The following CLIC6 variants were observed in gnomAD, a reference collection of about 807,000 sequenced individuals.
The protein encoded by CLIC6 is chloride intracellular channel protein 6.
In CLIC6, 39 loss-of-function variants were observed where a neutral mutation model predicts 49.2. The observed-to-expected ratio is 0.79, with a 90% confidence interval of 0.61 to 1.04. The LOEUF (loss-of-function observed/expected upper bound fraction) is 1.04. Ranked by LOEUF, CLIC6 falls within the 50% of genes least tolerant of loss-of-function variation. The pLI is 0.00. For synonymous variants in CLIC6, 446 were observed against 433.4 expected, an observed-to-expected ratio of 1.03 and a Z score of -0.36; for missense variants, 988 against 993.1, an observed-to-expected ratio of 0.99 and a Z score of 0.07.
intron 1 of CLIC6, among the ~76,000 whole-genome samples, chr21:34,673,277 A>G (rs1989600800): frequency 6.6e-6 from 1 of 151,124 alleles, no homozygotes; most frequent in Non-Finnish European, 1.5e-5. Context: ...AAATGATGAG[A>G]TTGGTTAACT....
chr21:34,688,393 G>A (rs988691764), intron 1 of CLIC6, among the ~76,000 whole-genome samples: 4 of 152,128 alleles, frequency 2.6e-5, no homozygotes, highest in Non-Finnish European at 5.9e-5. Context: ...GACAAAAGAC[G>A]GAGAACGACG....
chr21:34,677,319 G>C (rs916248785), intron 1 of CLIC6, among the ~76,000 whole-genome samples: 6 of 152,196 alleles, frequency 3.9e-5, no homozygotes, highest in Non-Finnish European at 8.8e-5. Flanking sequence ...GGTGGCAAAT[G>C]GGCTAACAAT....
At chr21:34,679,046 C>A (rs2145799452) in intron 1 of CLIC6, among the ~76,000 whole-genome samples, 1 of 152,330 alleles carries the variant, frequency 6.6e-6, no homozygotes, top group Non-Finnish European at 1.5e-5. Flanking sequence ...TTTCCAGGGT[C>A]AGGAATTTGT....
chr21:34,695,106 T>C (rs1990067397), intron 1 of CLIC6, among the ~76,000 whole-genome samples: 1 of 152,242 alleles, frequency 6.6e-6, no homozygotes, highest in Admixed American at 6.5e-5. Flanking sequence ...TGGGTCTCAC[T>C]GAACTAAAAT....
Position 34,670,340 on chromosome 21 carries a change from A to G in CLIC6, c.952A>G (p.Ser318Gly). ...GGCAATTGAGGTCGCAGCCGGGGAG[A>G]GTGCGGGGCGCAGCCCCGGTGAGCT... The part of the protein sequence containing the change: ...AEAIEVAAGE[S>G]AGRSPGELAW... Residue 318 changes from serine to glycine, a missense_variant, in exon 1 of 6, where the codon AGT becomes GGT. This residue lies in a region of CLIC6 where 647 missense variants were observed against 596.9 expected (regional missense o/e 1.08). Transcript: ENST00000349499. 1.4e-6 allele frequency: 2 copies of G among 1,446,684 alleles called. No individual in the cohort carries two copies. Among genetic ancestry groups the G allele is most frequent in the African/African-American group, 1.5e-5 (1 of 67,302 alleles). The allele number at this position is 1,446,684 out of a possible 1,614,324, so 89.6% of individuals were successfully genotyped here.
In CLIC6 at chr21:34,707,972, C is replaced by A. The variant is rs371094044; in HGVS notation, c.1513C>A (p.Pro505Thr). The change falls in exon 3 of 6, where the codon CCC (proline) becomes ACC (threonine). Residue 505 changes from proline (P) to threonine (T), a missense_variant. Pro to Thr is a conservative substitution (Grantham distance 38). This residue lies in a region of CLIC6 where 647 missense variants were observed against 596.9 expected (regional missense o/e 1.08). Coordinates refer to ENST00000349499, the MANE Select transcript of CLIC6 (RefSeq NM_053277.3). The stretch of plus-strand genomic sequence containing the variant: ...ACCCGCAGACCTGCAGAACCTGGCT[C>A]CCGGAACAAACCCTCCTTTCATGAC... ...RKPADLQNLA[P>T]GTNPPFMTFD... 3.1e-6 allele frequency: 5 copies of A among 1,613,988 alleles called. No homozygotes were observed. In the African/African-American group the frequency reaches 6.7e-5, roughly 22 times the overall value.
Position 34,669,689 on chromosome 21 carries a change from G to A in CLIC6, c.301G>A (p.Glu101Lys), listed in dbSNP as rs762612024. Residue 101 changes from glutamate (E) to lysine (K), a missense_variant, in exon 1 of 6, where the codon GAG becomes AAG. Physicochemically the swap from Glu to Lys is moderately conservative, Grantham distance 56. Coordinates refer to ENST00000349499, the MANE Select transcript of CLIC6 (RefSeq NM_053277.3). ...TGCCGAGGTGCCCCAAGGAGGGGAGGAGACAAGCGGCGCGCAGCAGGTGGA... is the reference window on the plus strand; with the variant it reads ...TGCCGAGGTGCCCCAAGGAGGGGAGAAGACAAGCGGCGCGCAGCAGGTGGA... ...EGAEVPQGGE[E>K]TSGAQQVEGA... The A allele has an allele frequency of 2.0e-5, 28 of 1,367,154 alleles. No homozygotes were observed. Among genetic ancestry groups the A allele is most frequent in the Non-Finnish European group, 2.5e-5 (27 of 1,068,176 alleles). 84.7% of individuals were successfully genotyped at this position (1,367,154 alleles called of 1,614,324 possible).
chr21:34,688,813 T>C (rs890907129), intron 1 of CLIC6, among the ~76,000 whole-genome samples: 2 of 152,190 alleles, frequency 1.3e-5, no homozygotes, highest in Non-Finnish European at 2.9e-5. Context: ...GAAACAGAAA[T>C]TCCAGAATTT....
chr21:34,687,173 A>G (rs935573167), intron 1 of CLIC6, among the ~76,000 whole-genome samples: 2 of 152,162 alleles, frequency 1.3e-5, no homozygotes, highest in South Asian at 2.1e-4. Flanking sequence ...GTTGAAAGCA[A>G]TTCTAAAGGG....
intron 1 of CLIC6, among the ~76,000 whole-genome samples, chr21:34,675,432 T>A (rs1989645481): frequency 6.6e-6 from 1 of 151,964 alleles, no homozygotes; most frequent in Non-Finnish European, 1.5e-5. Flanking sequence ...TCCAGGGAGC[T>A]TGAAAGGGAG....
chr21:34,691,879 A>C (rs1239825172), intron 1 of CLIC6, among the ~76,000 whole-genome samples: 2 of 152,182 alleles, frequency 1.3e-5, no homozygotes, highest in Non-Finnish European at 2.9e-5. Context: ...ATGAAGCAAA[A>C]CTTTTCAATG....
Position 34,707,402 on chromosome 21 carries a change from G to A in CLIC6, c.1484+13G>A, listed in dbSNP as rs562723940. 74 of 1,510,836 alleles carry A rather than the reference G, an allele frequency of 4.9e-5. No individual in the cohort carries two copies. Among genetic ancestry groups the A allele is most frequent in the Non-Finnish European group, 6.0e-5 (65 of 1,087,560 alleles). The allele number at this position is 1,510,836 out of a possible 1,614,324, so 93.6% of individuals were successfully genotyped here. ...TGGACCTGAAAAGGTAAGACAAGGCGTCTGCCTTACTGAAATAACTGTACC... is the reference window on the plus strand; with the variant it reads ...TGGACCTGAAAAGGTAAGACAAGGCATCTGCCTTACTGAAATAACTGTACC... On this transcript the variant is annotated intron_variant, in intron 2 of 5. Coordinates refer to ENST00000349499, the MANE Select transcript of CLIC6 (RefSeq NM_053277.3).
At chr21:34,698,035 G>A (rs1220564418) in intron 1 of CLIC6, among the ~76,000 whole-genome samples, 1 of 152,120 alleles carries the variant, frequency 6.6e-6, no homozygotes, top group Non-Finnish European at 1.5e-5. Flanking sequence ...GTGAGGACAG[G>A]GTTTCGCTGT....
intron 1 of CLIC6, among the ~76,000 whole-genome samples, chr21:34,675,799 T>C (rs778828671): frequency 6.6e-6 from 1 of 152,150 alleles, no homozygotes; most frequent in African/African-American, 2.4e-5. Flanking sequence ...TTGGTGCAGA[T>C]AAATAGTGGG....
At chr21:34,707,445 A>G in intron 2 of CLIC6, 56 bp downstream of exon 2, 1 of 696,434 alleles carries the variant, frequency 1.4e-6, no homozygotes, top group Non-Finnish European at 2.5e-6. Flanking sequence ...CTGCACACAC[A>G]CACACACACA....
intron 1 of CLIC6, among the ~76,000 whole-genome samples, chr21:34,672,056 G>C (rs942825088): frequency 2.0e-5 from 3 of 152,176 alleles, no homozygotes; most frequent in Admixed American, 6.5e-5. Flanking sequence ...TGGTTGTAAG[G>C]ATACATGATT....
intron 1 of CLIC6, among the ~76,000 whole-genome samples, chr21:34,705,661 G>T (rs763156040): frequency 6.6e-6 from 1 of 152,132 alleles, no homozygotes; most frequent in East Asian, 1.9e-4. Context: ...AGTAATCTGG[G>T]TCTATTGGTG....
chr21:34,675,821 G>C (rs927702861), intron 1 of CLIC6, among the ~76,000 whole-genome samples: 1 of 152,178 alleles, frequency 6.6e-6, no homozygotes, highest in Non-Finnish European at 1.5e-5. Context: ...CGGGTGGATG[G>C]CTAATTGGTA....
intron 1 of CLIC6, among the ~76,000 whole-genome samples, chr21:34,687,903 C>T (rs1462054139): frequency 6.6e-6 from 1 of 152,102 alleles, no homozygotes; most frequent in Non-Finnish European, 1.5e-5. Flanking sequence ...AGCCTAGCTC[C>T]TTTTATGGCC....
Sources: gnomAD v4.1 joint callset for allele counts (sites outside exome capture counted in the v4.1 genomes callset) on GRCh38, gnomAD v4.1.1 for gene constraint, gnomAD v4.1.1 regional missense constraint, MANE v1.5 for transcripts, NCBI Gene and HGNC (gene_info 2026-07-23, HGNC 2026-07-21) for gene names.